The following CPXM2 variants were observed in gnomAD, a reference collection of about 807,000 sequenced individuals.
The protein encoded by CPXM2 is inactive carboxypeptidase-like protein X2.
Under a neutral mutation model 86.1 loss-of-function variants are expected in CPXM2, and 66 were observed. That is an observed-to-expected ratio of 0.77 (90% CI 0.63 to 0.94). CPXM2 has a LOEUF of 0.94. CPXM2 is among the 40% of genes least tolerant of loss of function. The pLI, the probability that CPXM2 is intolerant of heterozygous loss-of-function variation, is 0.00. For synonymous variants in CPXM2, 388 were observed against 400.2 expected (o/e 0.97, Z 0.36); for missense variants, 948 against 1,026.3 (o/e 0.92, Z 1.04).
At chr10:123,870,494 C>A (rs992253448) in intron 2 of CPXM2, among the ~76,000 whole-genome samples, 4 of 152,210 alleles carry the variant, frequency 2.6e-5, no homozygotes, top group African/African-American at 9.6e-5. Context: ...TAATGGAATT[C>A]TTGCCTTCGC....
chr10:123,875,807 C>CTTTTTTTTTTT (rs780970130), intron 2 of CPXM2, among the ~76,000 whole-genome samples: 6 of 84,674 alleles, frequency 7.1e-5, no homozygotes, highest in Non-Finnish European at 9.5e-5. Context: ...TCTTTTCTTT[C>CTTTTTTTTTTT]TTTTTTTTTT....
intron 8 of CPXM2, among the ~76,000 whole-genome samples, chr10:123,770,331 G>C (rs889967871): frequency 7.2e-5 from 11 of 152,136 alleles, no homozygotes; most frequent in African/African-American, 2.7e-4. Context: ...CACTTCCGGA[G>C]AGGAACTCCT....
At chr10:123,786,780 A>G (rs1376176876) in intron 6 of CPXM2, among the ~76,000 whole-genome samples, 1 of 152,076 alleles carries the variant, frequency 6.6e-6, no homozygotes, top group Non-Finnish European at 1.5e-5. Flanking sequence ...AAGCACCAAA[A>G]AAAGACAAGA....
In CPXM2 at chr10:123,746,951, C is replaced by A. The variant is rs1325976479; in HGVS notation, c.2084G>T (p.Gly695Val). 1.2e-6 allele frequency: 2 copies of A among 1,614,026 alleles called. No individual in the cohort carries two copies. Among genetic ancestry groups the A allele is most frequent in the African/African-American group, 2.7e-5 (2 of 74,914 alleles). Residue 695 changes from glycine to valine, a missense_variant, in exon 14 of 14, where the codon GGT becomes GTT. By Grantham distance (109) the Gly-to-Val change is moderately radical. Transcript: ENST00000241305. ...GEYVVTAKAE[G>V]FTASTKNCMV... ...ACAGTTCTTGGTGGATGCAGTGAAA[C>A]CTTCGGCCTTTGCTGTGACCACATA... is the stretch of plus-strand genomic sequence containing the variant.
intron 8 of CPXM2, 51 bp downstream of exon 8, chr10:123,770,865 C>A: frequency 6.4e-7 from 1 of 1,574,398 alleles, no homozygotes; most frequent in Non-Finnish European, 8.6e-7. Context: ...TAACTGTTTA[C>A]ATGAGTACCA....
intron 2 of CPXM2, among the ~76,000 whole-genome samples, chr10:123,872,933 A>T (rs1944916977): frequency 6.6e-6 from 1 of 152,164 alleles, no homozygotes; most frequent in Non-Finnish European, 1.5e-5. Context: ...AAAAGAAAAA[A>T]AAAACATGCT....
At position 123,919,450 on chromosome 10, in the gene CPXM2, C is replaced by A. The variant is rs1264554426; in HGVS notation, n.174+20027G>T. Among the ~76,000 whole-genome samples the A allele has an allele frequency of 3.3e-5, 5 of 151,820 alleles. No individual in the cohort carries two copies. The East Asian group carries it at 9.6e-4, about 29-fold the overall frequency. Reference sequence around the variant, plus strand: ...AACCACAAGATAACCCAGATTTTGGCATTATCAGACAAAGAATTTAAAGCA... The same window carrying A: ...AACCACAAGATAACCCAGATTTTGGAATTATCAGACAAAGAATTTAAAGCA... On this transcript the variant is annotated intron_variant and non_coding_transcript_variant, in intron 2 of 19. Coordinates refer to the CPXM2 transcript ENST00000368854.
intron 10 of CPXM2, among the ~76,000 whole-genome samples, chr10:123,763,575 C>T (rs1004806447): frequency 1.2e-4 from 18 of 150,202 alleles, no homozygotes; most frequent in African/African-American, 4.2e-4. Flanking sequence ...GGCAGAGGGG[C>T]GCAACTATAC....
chr10:123,842,262 C>T, intron 4 of CPXM2, 87 bp downstream of exon 4: 1 of 1,552,472 alleles, frequency 6.4e-7, no homozygotes, highest in South Asian at 1.2e-5. Flanking sequence ...AAACACCTCT[C>T]TGCAACTTCC....
At chr10:123,876,576 G>C (rs1944991027) in intron 2 of CPXM2, among the ~76,000 whole-genome samples, 4 of 152,158 alleles carry the variant, frequency 2.6e-5, no homozygotes, top group Admixed American at 2.6e-4. Context: ...CCCACCGCCT[G>C]TTTTTGTATG....
chr10:123,940,978 T>C (rs188040389), upstream of CPXM2, among the ~76,000 whole-genome samples: 100 of 152,198 alleles, frequency 6.6e-4, 1 homozygote, highest in African/African-American at 2.2e-3. Context: ...GAGACCATCC[T>C]GGCTAACACA....
intron 13 of CPXM2, chr10:123,751,624 T>C (rs1345479197): frequency 1.0e-6 from 1 of 985,260 alleles, no homozygotes; most frequent in African/African-American, 1.7e-5. Context: ...CTGATATGCA[T>C]CTAACTCAAA....
In CPXM2 at chr10:123,891,441, C is replaced by T; in HGVS notation, c.219G>A (p.Pro73=). The change falls in exon 1 of 14, where the codon CCG becomes CCA. Residue 73 remains proline, a synonymous_variant. Coordinates refer to ENST00000241305, the MANE Select transcript of CPXM2 (RefSeq NM_198148.3). This position sits in a 1 kb window ranked among gnomAD's most constrained non-coding sequence, Gnocchi z 5.6. ...CCCTCTTGGGCGGCCTGGGCTCCTG[C>T]GGGCGCCGCTCCCACTCCTCCCCGG... ...AGPGEEWERR[P]QEPRPPKRAT... 6.4e-7 allele frequency: 1 copy of T among 1,554,482 alleles called. No individual in the cohort carries two copies. Among genetic ancestry groups the T allele is most frequent in the East Asian group, 2.4e-5 (1 of 41,084 alleles).
At chr10:123,752,861 A>AT (rs1438927202) in intron 13 of CPXM2, among the ~76,000 whole-genome samples, 2 of 152,146 alleles carry the variant, frequency 1.3e-5, no homozygotes, top group Non-Finnish European at 2.9e-5. Flanking sequence ...CTCGTAATAC[A>AT]TTGAGGAACA....
chr10:123,750,484 C>A (rs1358032605), intron 13 of CPXM2: 10 of 985,210 alleles, frequency 1.0e-5, no homozygotes. Context: ...CTGTGTATGT[C>A]CCCTTAGGGA....
At chr10:123,812,833 C>G (rs2134095773) in intron 4 of CPXM2, among the ~76,000 whole-genome samples, 1 of 152,272 alleles carries the variant, frequency 6.6e-6, no homozygotes, top group East Asian at 1.9e-4. Context: ...TTCCCCATCC[C>G]CCATCCCCAC....
chr10:123,874,013 C>T (rs376844809), intron 2 of CPXM2, among the ~76,000 whole-genome samples: 2 of 151,944 alleles, frequency 1.3e-5, no homozygotes. Flanking sequence ...GCATGCATCA[C>T]CACGCCAGGG....
At chr10:123,907,626 C>T (rs1945454528) in intron 2 of CPXM2, among the ~76,000 whole-genome samples, 1 of 151,972 alleles carries the variant, frequency 6.6e-6, no homozygotes, top group African/African-American at 2.4e-5. Flanking sequence ...AAAGCTCTGA[C>T]ATTTCTGGGG....
At chr10:123,794,137 C>T (rs938322772) in intron 6 of CPXM2, among the ~76,000 whole-genome samples, 2 of 152,234 alleles carry the variant, frequency 1.3e-5, no homozygotes, top group African/African-American at 4.8e-5. Context: ...TTTGGCGGCT[C>T]CTCTGTGCTT....
Sources: allele counts gnomAD v4.1 joint callset (sites outside exome capture counted in the v4.1 genomes callset), GRCh38; gene constraint gnomAD v4.1.1; non-coding constraint Gnocchi (gnomAD v3.1); transcripts MANE v1.5; gene names NCBI Gene and HGNC (gene_info 2026-07-23, HGNC 2026-07-21).